Variants in DPYS observed in about 807,000 individuals in gnomAD.
DPYS encodes dihydropyrimidinase, also known as dihydropyrimidine amidohydrolase.
DPYS carries 39 observed loss-of-function variants against 50.3 expected under a neutral mutation model. That is an observed-to-expected ratio of 0.78 (90% CI 0.60 to 1.01). The LOEUF (loss-of-function observed/expected upper bound fraction) is 1.01, where lower values mean the gene tolerates loss of function less well. DPYS is among the 50% of genes least tolerant of loss of function. The pLI is 0.00. For synonymous variants in DPYS, 245 were observed against 250.7 expected, an observed-to-expected ratio of 0.98 and a Z score of 0.22; for missense variants, 659 against 680.9, an observed-to-expected ratio of 0.97 and a Z score of 0.36.
At chr8:104,408,601 G>T (rs1812072778) in intron 7 of DPYS, among the ~76,000 whole-genome samples, 1 of 151,956 alleles carries the variant, frequency 6.6e-6, no homozygotes, top group Middle Eastern at 3.2e-3. Context: ...CCATTCAACG[G>T]AAAAACAAGA....
intron 4 of DPYS, among the ~76,000 whole-genome samples, chr8:104,436,979 G>A (rs904872704): frequency 2.0e-5 from 3 of 152,086 alleles, no homozygotes; most frequent in Admixed American, 6.5e-5. Flanking sequence ...GGAAATAGAG[G>A]TGTGATTACC....
rs561593514 is a variant in DPYS at position 104,381,267 on chromosome 8, G to A, written c.1491C>T (p.Val497=). The A allele has an allele frequency of 9.9e-6, 16 of 1,614,114 alleles. No homozygotes were observed. The highest frequency in any genetic ancestry group is 6.7e-5 in the East Asian group (3 of 44,878). The change falls in exon 9 of 10, where the codon GTC becomes GTT. Residue 497 remains valine, a synonymous_variant. Transcript: ENST00000351513. ...TTGTCACTCTGGATTTCAGTGTGGC[G>A]ACTTCTCCCTTATAGGGTGCACGCT... ...PVERAPYKGE[V]ATLKSRVTKE... is the part of the protein sequence containing the mutation.
chr8:104,428,836 T>C (rs74732344), intron 5 of DPYS, among the ~76,000 whole-genome samples: 43 of 21,770 alleles, frequency 2.0e-3, no homozygotes, highest in Non-Finnish European at 7.7e-3. Context: ...TTTTCTCTTT[T>C]CTTTTTTTTT....
At chr8:104,465,610 G>T (rs1478952477) in intron 1 of DPYS, among the ~76,000 whole-genome samples, 2 of 152,074 alleles carry the variant, frequency 1.3e-5, no homozygotes, top group Non-Finnish European at 2.9e-5. Flanking sequence ...TGTTGCAGGG[G>T]TGTCCAATCT....
intron 1 of DPYS, among the ~76,000 whole-genome samples, chr8:104,465,874 G>C (rs1356949408): frequency 6.6e-6 from 1 of 152,066 alleles, no homozygotes; most frequent in East Asian, 1.9e-4. Context: ...GTGGTGATCT[G>C]ATTACCCTCC....
chr8:104,403,661 C>G (rs1448135396), intron 7 of DPYS, among the ~76,000 whole-genome samples: 1 of 152,152 alleles, frequency 6.6e-6, no homozygotes, highest in Non-Finnish European at 1.5e-5. Flanking sequence ...CCCTCCATCC[C>G]TACTGAGGGA....
intron 7 of DPYS, among the ~76,000 whole-genome samples, chr8:104,411,483 G>A (rs1229894405): frequency 6.6e-6 from 1 of 152,262 alleles, no homozygotes; most frequent in East Asian, 1.9e-4. Context: ...GAAGAAAAGG[G>A]CACAATCATA....
intron 7 of DPYS, among the ~76,000 whole-genome samples, chr8:104,402,372 G>A (rs1811849132): frequency 6.6e-6 from 1 of 152,212 alleles, no homozygotes; most frequent in Admixed American, 6.5e-5. Flanking sequence ...AACAGGAACT[G>A]AATGTGAATC....
At position 104,444,433 on chromosome 8, in the gene DPYS, G is replaced by C; in HGVS notation, c.608C>G (p.Ala203Gly). The change falls in exon 4 of 10, where the codon GCA (alanine) becomes GGA (glycine). Residue 203 changes from alanine (A) to glycine (G), a missense_variant. Ala to Gly is a moderately conservative substitution (Grantham distance 60). Coordinates refer to ENST00000351513, the MANE Select transcript of DPYS (RefSeq NM_001385.3). ...TATCCCCAGAGCCAACATCTTCTTT[G>C]CTCCCTAAAAAGACAGCAGGAATGT... ...AENGDLIAEGAKKMLALGITG... is the reference protein window; with the variant it reads ...AENGDLIAEGGKKMLALGITG... 6.2e-7 allele frequency: 1 copy of C among 1,614,116 alleles called. No individual in the cohort carries two copies. The highest frequency in any genetic ancestry group is 8.5e-7 in the Non-Finnish European group (1 of 1,180,030).
chr8:104,449,596 GT>G (rs1478263408), intron 2 of DPYS, among the ~76,000 whole-genome samples: 20 of 152,222 alleles, frequency 1.3e-4, no homozygotes, highest in Non-Finnish European at 1.2e-4. Context: ...CCTTGCAGAT[GT>G]AATTAGTTAA....
chr8:104,434,747 C>T (rs762199567), intron 4 of DPYS, among the ~76,000 whole-genome samples: 1 of 152,140 alleles, frequency 6.6e-6, no homozygotes, highest in Non-Finnish European at 1.5e-5. Flanking sequence ...ACCTAGCATG[C>T]GCTTGGCATC....
chr8:104,391,196 C>G (rs933646697), intron 8 of DPYS, among the ~76,000 whole-genome samples: 2 of 152,002 alleles, frequency 1.3e-5, no homozygotes, highest in African/African-American at 4.8e-5. Context: ...TGAGAATCCA[C>G]AAGTAAAAAT....
At position 104,444,297 on chromosome 8, in the gene DPYS, A is replaced by G. The variant is rs1813454151; in HGVS notation, c.744T>C (p.His248=). 1 of 1,614,210 alleles carries G rather than the reference A, an allele frequency of 6.2e-7. No individual in the cohort carries two copies. The highest frequency in any genetic ancestry group is 1.3e-5 in the African/African-American group (1 of 75,052). Reference sequence around the variant, plus strand: ...CCTTAGCTGCAGACTTGCTCATCACATGCACAATGTAGAGAGGACAGTTCA... The same window carrying G: ...CCTTAGCTGCAGACTTGCTCATCACGTGCACAATGTAGAGAGGACAGTTCA... ...SAVNCPLYIV[H]VMSKSAAKVI... Residue 248 remains histidine (H), a synonymous_variant, in exon 4 of 10, where the codon CAT becomes CAC. Transcript: ENST00000351513.
chr8:104,402,545 A>G (rs927970050), intron 7 of DPYS, among the ~76,000 whole-genome samples: 6 of 152,192 alleles, frequency 3.9e-5, no homozygotes, highest in Non-Finnish European at 8.8e-5. Context: ...ACTTGGTCTT[A>G]TAATTTTATT....
At chr8:104,396,381 T>A (rs895677325) in intron 7 of DPYS, among the ~76,000 whole-genome samples, 1 of 152,164 alleles carries the variant, frequency 6.6e-6, no homozygotes, top group Non-Finnish European at 1.5e-5. Flanking sequence ...AAAGAAATTC[T>A]TAAGAGTTAC....
At chr8:104,399,304 A>G (rs774607860) in intron 7 of DPYS, among the ~76,000 whole-genome samples, 1 of 44,884 alleles carries the variant, frequency 2.2e-5, no homozygotes. Flanking sequence ...AAAAAAAAAA[A>G]AAAAAACAAC....
chr8:104,435,442 G>A (rs950661106), intron 4 of DPYS, among the ~76,000 whole-genome samples: 8 of 151,868 alleles, frequency 5.3e-5, no homozygotes, highest in Admixed American at 5.2e-4. Flanking sequence ...CAAGAAGGGT[G>A]GATGAGAACT....
chr8:104,438,276 T>G (rs1403031734), intron 4 of DPYS, among the ~76,000 whole-genome samples: 3 of 152,174 alleles, frequency 2.0e-5, no homozygotes, highest in African/African-American at 7.2e-5. Context: ...CTGATTCTAT[T>G]CAATAGAAAG....
chr8:104,459,509 T>C (rs1256829120), intron 1 of DPYS, among the ~76,000 whole-genome samples: 1 of 152,236 alleles, frequency 6.6e-6, no homozygotes, highest in African/African-American at 2.4e-5. Context: ...ACTGAATTAA[T>C]GGAACCTAAC....
Sources: allele counts gnomAD v4.1 joint callset (sites outside exome capture counted in the v4.1 genomes callset), GRCh38; gene constraint gnomAD v4.1.1; transcripts MANE v1.5; gene names NCBI Gene and HGNC (gene_info 2026-07-23, HGNC 2026-07-21).